The following DNAAF5 variants were observed in gnomAD, a reference collection of about 807,000 sequenced individuals.
The protein encoded by DNAAF5 is dynein axonemal assembly factor 5.
DNAAF5 carries 64 observed loss-of-function variants against 75.8 expected under a neutral mutation model. That is an observed-to-expected ratio of 0.84 (90% CI 0.69 to 1.04). DNAAF5 has a LOEUF of 1.04. DNAAF5 is among the 50% of genes least tolerant of loss of function. The pLI, the probability that DNAAF5 is intolerant of heterozygous loss-of-function variation, is 0.00. For missense variants in DNAAF5, 1,269 were observed against 1,178.5 expected, an observed-to-expected ratio of 1.08 and a Z score of -1.12; for synonymous variants, 657 against 557.2, an observed-to-expected ratio of 1.18 and a Z score of -2.52.
At chr7:763,602 G>A (rs1364714546) in intron 7 of DNAAF5, among the ~76,000 whole-genome samples, 1 of 152,202 alleles carries the variant, frequency 6.6e-6, no homozygotes, top group Admixed American at 6.5e-5. Context: ...TGGTGTGAAC[G>A]GGATCAGGGT....
At chr7:741,653 A>G (rs1350707077) in intron 4 of DNAAF5, among the ~76,000 whole-genome samples, 188 bp downstream of exon 4, 1 of 152,166 alleles carries the variant, frequency 6.6e-6, no homozygotes, top group East Asian at 1.9e-4. Context: ...TCTCCTCAGC[A>G]TCTGGAGAGC....
chr7:745,507 G>A (rs549488364), intron 4 of DNAAF5, among the ~76,000 whole-genome samples: 11 of 152,128 alleles, frequency 7.2e-5, no homozygotes, highest in African/African-American at 2.4e-4. Context: ...TCGCACACAC[G>A]TGCACATATG....
At chr7:757,434 C>G (rs1412034490) in intron 6 of DNAAF5, among the ~76,000 whole-genome samples, 1 of 152,360 alleles carries the variant, frequency 6.6e-6, no homozygotes, top group East Asian at 1.9e-4. Flanking sequence ...GGTCGCACGT[C>G]CACCATCCCA....
intron 2 of DNAAF5, among the ~76,000 whole-genome samples, chr7:731,892 C>T (rs752661508): frequency 2.6e-5 from 4 of 152,072 alleles, no homozygotes; most frequent in Admixed American, 6.6e-5. Context: ...TCCTGGAGCT[C>T]CATGTGGGCT....
chr7:765,475 G>A (rs1782791404), intron 8 of DNAAF5, among the ~76,000 whole-genome samples: 1 of 152,202 alleles, frequency 6.6e-6, no homozygotes, highest in Non-Finnish European at 1.5e-5. Flanking sequence ...AACCCCGAGA[G>A]ACGTGGCTTG....
At chr7:728,157 C>T (rs1262676854) in intron 1 of DNAAF5, among the ~76,000 whole-genome samples, 1 of 152,172 alleles carries the variant, frequency 6.6e-6, no homozygotes, top group Admixed American at 6.5e-5. Flanking sequence ...CGTTCCCTTT[C>T]CTTAGCTGGC....
At chr7:764,636 G>C (rs547368842) in intron 8 of DNAAF5, among the ~76,000 whole-genome samples, 5 of 152,224 alleles carry the variant, frequency 3.3e-5, no homozygotes, top group African/African-American at 1.2e-4. Context: ...CAGGGTGGTC[G>C]TGCTCTGCAT....
rs1252771811 is a variant in DNAAF5, at chr7:785,521, C to G, written c.2436C>G (p.Val812=). The part of the protein sequence containing the change: ...ERAIQDAILE[V]LKEGSGLFPD... ...AGGTGTTTTTCTGTTTTACAGAGGT[C>G]CTCAAAGAGGGCAGCGGGCTGTTCC... The change falls in exon 13 of 13, where the codon GTC becomes GTG. Residue 812 remains valine, a synonymous_variant. Transcript: ENST00000297440. 6 of 1,613,700 alleles carry G rather than the reference C, an allele frequency of 3.7e-6. No homozygotes were observed. The highest frequency in any genetic ancestry group is 5.1e-6 in the Non-Finnish European group (6 of 1,179,892).
intron 6 of DNAAF5, among the ~76,000 whole-genome samples, chr7:758,787 A>G (rs1583500257): frequency 1.3e-5 from 2 of 152,080 alleles, no homozygotes; most frequent in African/African-American, 4.8e-5. Context: ...GGTTCAAGCG[A>G]TTCTCCTGCC....
chr7:775,951 G>T (rs1447926579), intron 11 of DNAAF5, among the ~76,000 whole-genome samples: 1 of 152,142 alleles, frequency 6.6e-6, no homozygotes, highest in Non-Finnish European at 1.5e-5. Flanking sequence ...GAGGATTTTG[G>T]TATCCTAGAG....
intron 7 of DNAAF5, among the ~76,000 whole-genome samples, chr7:762,905 C>T (rs773653736): frequency 5.9e-5 from 9 of 152,218 alleles, no homozygotes; most frequent in South Asian, 2.1e-4. Flanking sequence ...TGAGCCACCG[C>T]ACCTGGCCAT....
rs757948608 is a variant in DNAAF5, at chr7:729,838, C to T, written c.771C>T (p.Asp257=). The T allele has an allele frequency of 8.1e-6, 13 of 1,614,018 alleles. No individual in the cohort carries two copies. The highest frequency in any genetic ancestry group is 1.6e-4 in the Middle Eastern group (1 of 6,084). ...LSHFAQRLFD[D]VPQVRRAVAS... ...ATTTTGCTCAGCGACTGTTTGATGA[C>T]GTCCCGCAGGTAACTGGTGTTTCTC... The change falls in exon 2 of 13, where the codon GAC becomes GAT. Residue 257 remains aspartate (D), a synonymous_variant. Coordinates refer to ENST00000297440, the MANE Select transcript of DNAAF5 (RefSeq NM_017802.4).
intron 6 of DNAAF5, among the ~76,000 whole-genome samples, chr7:761,058 A>G (rs1037467503): frequency 2.0e-5 from 3 of 152,200 alleles, no homozygotes; most frequent in Admixed American, 2.0e-4. Flanking sequence ...TAAAGCAGAT[A>G]ATGCAGTGCG....
chr7:773,991 C>G, intron 9 of DNAAF5, 57 bp from the exon 10 acceptor site: 1 of 1,603,494 alleles, frequency 6.2e-7, no homozygotes, highest in Non-Finnish European at 8.5e-7. Flanking sequence ...TAGTCTGAAA[C>G]GTTTCTTCCG....
In DNAAF5 at chr7:767,261, G is replaced by C. The variant is rs575828311; in HGVS notation, c.1784-3210G>C. On this transcript the variant is annotated intron_variant, in intron 8 of 12. Transcript: ENST00000297440. ...CTCAAAAAAAAAAAAAAAAAAGACTGTAGGGTCCCATTTCTTCATTTATCC... is the reference window on the plus strand; with the variant it reads ...CTCAAAAAAAAAAAAAAAAAAGACTCTAGGGTCCCATTTCTTCATTTATCC... Among the ~76,000 whole-genome samples, 373 of 143,302 alleles carry C rather than the reference G, an allele frequency of 2.6e-3. 1 individual carries two copies. The highest frequency in any genetic ancestry group is 9.2e-3 in the African/African-American group (353 of 38,350). 94.0% of individuals were successfully genotyped at this position (143,302 alleles called of 152,430 possible). A position where few individuals can be genotyped will look rare whatever the true frequency, so the allele number is the denominator to read the frequency against.
intron 7 of DNAAF5, 106 bp from the exon 8 acceptor site, chr7:763,700 G>C (rs534403676): frequency 1.5e-6 from 2 of 1,293,570 alleles, no homozygotes; most frequent in Admixed American, 1.9e-5. Context: ...TGGCAGGCCC[G>C]GCCTGTGTGG....
chr7:774,033 C>T lies in DNAAF5; in HGVS notation c.1932-15C>T, dbSNP rs764378062. 65 of 1,614,002 alleles carry T rather than the reference C, an allele frequency of 4.0e-5. No individual in the cohort carries two copies. The highest frequency in any genetic ancestry group is 5.4e-5 in the Non-Finnish European group (64 of 1,180,006). ...TGTCCGGTCTCCTCATCCACCCTCT[C>T]CGTTCCGGTTCCAGGCAGTTTCCCA... On this transcript the variant is annotated splice_polypyrimidine_tract_variant and intron_variant, in intron 9 of 12. Coordinates refer to ENST00000297440, the MANE Select transcript of DNAAF5 (RefSeq NM_017802.4).
intron 4 of DNAAF5, among the ~76,000 whole-genome samples, chr7:750,381 C>G (rs980675975): frequency 6.6e-6 from 1 of 152,230 alleles, no homozygotes; most frequent in Non-Finnish European, 1.5e-5. Flanking sequence ...CCCCACCGTT[C>G]AGCAACGCTT....
chr7:763,876 A>G lies in DNAAF5; in HGVS notation c.1685A>G (p.His562Arg). The G allele has an allele frequency of 6.2e-7, 1 of 1,613,370 alleles. No homozygotes were observed. Among genetic ancestry groups the G allele is most frequent in the Non-Finnish European group, 8.5e-7 (1 of 1,180,034 alleles). ...VSSCQDLYRKHIGPLLERVTA... is the reference protein window; with the variant it reads ...VSSCQDLYRKRIGPLLERVTA... ...AGCTGCCAGGACCTCTACCGCAAGCACATTGGTCCCCTCCTGGAGCGGGTG... is the reference window on the plus strand; with the variant it reads ...AGCTGCCAGGACCTCTACCGCAAGCGCATTGGTCCCCTCCTGGAGCGGGTG... Residue 562 changes from histidine (H) to arginine (R), a missense_variant, in exon 8 of 13, where the codon CAC becomes CGC. His to Arg is a conservative substitution (Grantham distance 29). Transcript: ENST00000297440.
Sources: allele counts gnomAD v4.1 joint callset (sites outside exome capture counted in the v4.1 genomes callset), GRCh38; gene constraint gnomAD v4.1.1; transcripts MANE v1.5; gene names NCBI Gene and HGNC (gene_info 2026-07-23, HGNC 2026-07-21).